Variants in PTPRK observed in about 807,000 individuals in gnomAD.
PTPRK encodes the protein protein tyrosine phosphatase receptor type K.
PTPRK carries 75 observed loss-of-function variants against 178.0 expected under a neutral mutation model. The observed-to-expected ratio is 0.42, with a 90% CI of 0.35 to 0.51. PTPRK has a LOEUF of 0.51. Among genes scored for constraint, PTPRK ranks in the 20% least tolerant of loss-of-function variants. The pLI, the probability that PTPRK is intolerant of heterozygous loss-of-function variation, is 0.02. For synonymous variants in PTPRK, 637 were observed against 620.6 expected (o/e 1.03, Z -0.39); for missense variants, 1,441 against 1,797.8 (o/e 0.80, Z 3.59).
At chr6:128,037,915 A>T (rs1322876932) in intron 13 of PTPRK, among the ~76,000 whole-genome samples, 1 of 152,204 alleles carries the variant, frequency 6.6e-6, no homozygotes, top group Admixed American at 6.5e-5. Context: ...AAGATTTTTA[A>T]AACAATTATT....
chr6:128,376,111 C>T (rs1837035886), intron 2 of PTPRK, among the ~76,000 whole-genome samples: 1 of 152,130 alleles, frequency 6.6e-6, no homozygotes, highest in East Asian at 1.9e-4. Context: ...GACAGTGGCC[C>T]TCTTCTCACT....
chr6:128,372,338 A>C (rs190343761), intron 2 of PTPRK, among the ~76,000 whole-genome samples: 1 of 152,340 alleles, frequency 6.6e-6, no homozygotes, highest in East Asian at 1.9e-4. Flanking sequence ...TTCAGGGAGA[A>C]TCTGTAGAAA....
At chr6:128,418,674 C>T (rs1005585507) in intron 1 of PTPRK, among the ~76,000 whole-genome samples, 1 of 152,126 alleles carries the variant, frequency 6.6e-6, no homozygotes, top group African/African-American at 2.4e-5. Flanking sequence ...TGTCCTAAAG[C>T]ATCTACCATA....
intron 2 of PTPRK, among the ~76,000 whole-genome samples, chr6:128,370,327 T>C (rs1836094084): frequency 6.6e-6 from 1 of 152,054 alleles, no homozygotes; most frequent in East Asian, 1.9e-4. Flanking sequence ...GAAAAGATTT[T>C]GGAAGGTTAA....
intron 13 of PTPRK, among the ~76,000 whole-genome samples, chr6:128,017,802 G>GTGTATATATATATATATATA (rs1287001811): frequency 4.9e-5 from 5 of 101,254 alleles, no homozygotes; most frequent in African/African-American, 9.9e-5. Flanking sequence ...ATATATATGT[G>GTGTATATATATATATATATA]TATATATATA....
chr6:128,234,492 C>G (rs1812866602), intron 5 of PTPRK, among the ~76,000 whole-genome samples: 1 of 152,174 alleles, frequency 6.6e-6, no homozygotes, highest in South Asian at 2.1e-4. Context: ...AATCCTTATT[C>G]CCCACAGGCA....
chr6:128,089,781 T>G lies in PTPRK; in HGVS notation c.1374A>C (p.Pro458=). ...KAPQHVVNHL[P]PYTNVSLKMI... ...TCTTGAGGCTGACATTTGTATAAGGTGGCAGATGGTTCACAACATGCTGAG... is the reference window on the plus strand; with the variant it reads ...TCTTGAGGCTGACATTTGTATAAGGGGGCAGATGGTTCACAACATGCTGAG... Residue 458 remains proline, a synonymous_variant, in exon 8 of 30, where the codon CCA becomes CCC. Transcript: ENST00000368226. 5 of 1,613,626 alleles carry G rather than the reference T, an allele frequency of 3.1e-6. No individual in the cohort carries two copies. The highest frequency in any genetic ancestry group is 2.5e-6 in the Non-Finnish European group (3 of 1,179,510).
chr6:128,076,819 A>T (rs1334040921), intron 11 of PTPRK, among the ~76,000 whole-genome samples: 2 of 152,078 alleles, frequency 1.3e-5, no homozygotes, highest in South Asian at 4.1e-4. Context: ...AACACCAGCT[A>T]TGAGCAAATG....
chr6:128,135,428 T>G (rs1370777724), intron 7 of PTPRK, among the ~76,000 whole-genome samples: 1 of 152,018 alleles, frequency 6.6e-6, no homozygotes, highest in Non-Finnish European at 1.5e-5. Flanking sequence ...ATATAAGGAG[T>G]TGTTGTGTCT....
At chr6:128,369,754 C>T (rs1836005896) in intron 2 of PTPRK, among the ~76,000 whole-genome samples, 1 of 152,040 alleles carries the variant, frequency 6.6e-6, no homozygotes, top group South Asian at 2.1e-4. Context: ...ATGGCATATG[C>T]CACAAAGACG....
At chr6:128,238,303 A>C in intron 5 of PTPRK, 1 of 357,306 alleles carries the variant, frequency 2.8e-6, no homozygotes, top group Admixed American at 4.2e-5. Flanking sequence ...CAGGAGGAAC[A>C]TTTTTTAAAA....
chr6:128,297,018 G>C (rs1285635937), intron 3 of PTPRK, among the ~76,000 whole-genome samples: 78 of 151,580 alleles, frequency 5.1e-4, no homozygotes, highest in Non-Finnish European at 1.1e-3. Context: ...CAAAATAAAA[G>C]GATGGAGGAA....
chr6:127,982,702 G>A, intron 24 of PTPRK, 129 bp downstream of exon 24: 1 of 688,060 alleles, frequency 1.5e-6, no homozygotes, highest in Non-Finnish European at 2.4e-6. Context: ...TAATGAAAGA[G>A]ATACGTATTG....
In PTPRK at chr6:128,111,006, G is replaced by A. The variant is rs9385450; in HGVS notation, c.1163-21014C>T. Among the ~76,000 whole-genome samples, 4,492 of 152,128 alleles carry A rather than the reference G, an allele frequency of 0.03. 403 individuals carry two copies. The East Asian group carries it at 0.36, about 12-fold the overall frequency. On this transcript the variant is annotated intron_variant, in intron 7 of 29. Transcript: ENST00000368226. ...ATCACCACGTCTGATGGTGAGGATCGGCAGTTCAAATGACACAATTGTTGC... is the reference window on the plus strand; with the variant it reads ...ATCACCACGTCTGATGGTGAGGATCAGCAGTTCAAATGACACAATTGTTGC...
rs945655584 is a variant in PTPRK, at chr6:128,192,968, A to G, written c.869-8243T>C. ...AAGGAGGGAAGGAAGGAAGGAAAAA[A>G]CTACGTAAATTCTACCTAGTCCACA... On this transcript the variant is annotated intron_variant, in intron 6 of 29. Coordinates refer to ENST00000368226, the MANE Select transcript of PTPRK (RefSeq NM_002844.4). Among the ~76,000 whole-genome samples, 4 of 151,600 alleles carry G rather than the reference A, an allele frequency of 2.6e-5. No individual in the cohort carries two copies. In the South Asian group the frequency reaches 8.4e-4, roughly 32 times the overall value.
At chr6:128,483,811 A>G (rs968239565) in intron 1 of PTPRK, among the ~76,000 whole-genome samples, 20 of 152,260 alleles carry the variant, frequency 1.3e-4, no homozygotes, top group African/African-American at 4.6e-4. Flanking sequence ...ACTCTAATTA[A>G]AAGTACTAGG....
At position 127,970,122 on chromosome 6, in the gene PTPRK, C is replaced by T. The variant is rs1485714135; in HGVS notation, c.*105G>A. ...CCTCTCAAATGTAAAAGTCTCCCAC[C>T]CCCCACATTAAAATCTTTCTGCACA... is the stretch of plus-strand genomic sequence containing the variant. On this transcript the variant is annotated 3_prime_UTR_variant, in exon 30 of 30. Transcript: ENST00000368226. 11 of 784,538 alleles carry T rather than the reference C, an allele frequency of 1.4e-5. No individual in the cohort carries two copies. In the East Asian group the frequency reaches 2.9e-4, roughly 21 times the overall value. The allele number at this position is 784,538 out of a possible 1,614,324, so 48.6% of individuals were successfully genotyped here.
At chr6:128,252,808 A>G (rs1310178777) in intron 3 of PTPRK, among the ~76,000 whole-genome samples, 1 of 152,216 alleles carries the variant, frequency 6.6e-6, no homozygotes, top group East Asian at 1.9e-4. Context: ...AAGATATTAT[A>G]CACAAATTAG....
At chr6:128,430,274 C>T (rs548601322) in intron 1 of PTPRK, among the ~76,000 whole-genome samples, 4 of 152,258 alleles carry the variant, frequency 2.6e-5, no homozygotes, top group Middle Eastern at 3.4e-3. Flanking sequence ...CTTTTAACTC[C>T]GTAGTTTCCT....
Sources: gnomAD v4.1 joint callset for allele counts (sites outside exome capture counted in the v4.1 genomes callset) on GRCh38, gnomAD v4.1.1 for gene constraint, MANE v1.5 for transcripts, NCBI Gene and HGNC (gene_info 2026-07-23, HGNC 2026-07-21) for gene names.